The following RBM15B variants were observed in gnomAD, a reference collection of about 807,000 sequenced individuals.
The protein encoded by RBM15B is RNA binding motif protein 15B.
Under a neutral mutation model 53.3 loss-of-function variants are expected in RBM15B, and 11 were observed. The ratio of observed to expected loss-of-function variants is 0.21; its 90% confidence interval spans 0.13 to 0.34. The LOEUF is 0.34. Ranked by LOEUF, RBM15B falls within the 10% of genes least tolerant of loss-of-function variation. The pLI, the probability that RBM15B is intolerant of heterozygous loss-of-function variation, is 1.00. For synonymous variants in RBM15B, 631 were observed against 540.7 expected, an observed-to-expected ratio of 1.17 and a Z score of -2.32; for missense variants, 1,136 against 1,250.3, an observed-to-expected ratio of 0.91 and a Z score of 1.38.
At position 51,396,749 on chromosome 3, in the gene RBM15B, C is replaced by T. The variant is rs1553623095; in HGVS notation, c.*2677C>T. 6.0e-6 allele frequency: 1 copy of T among 167,136 alleles called. No individual in the cohort carries two copies. Among genetic ancestry groups the T allele is most frequent in the African/African-American group, 2.4e-5 (1 of 41,442 alleles). 10.4% of individuals were successfully genotyped at this position (167,136 alleles called of 1,614,324 possible). A position where few individuals can be genotyped will look rare whatever the true frequency, so the allele number is the denominator to read the frequency against. The stretch of plus-strand genomic sequence containing the variant: ...CTGAATTCTGCCTCCCTGTTATAGT[C>T]CCTGTCTCCCCCACAGAGACCTGTG... On this transcript the variant is annotated 3_prime_UTR_variant, in exon 1 of 1. Transcript: ENST00000563281.
At position 51,392,117 on chromosome 3, in the gene RBM15B, C is replaced by T. The variant is rs200104426; in HGVS notation, c.718C>T (p.Pro240Ser). ...SSSSAAASTP[P>S]PGPPAPADPL... ...CAGCAGCGCCGCCGCTTCCACGCCTCCCCCAGGGCCGCCCGCGCCCGCCGA... is the reference window on the plus strand; with the variant it reads ...CAGCAGCGCCGCCGCTTCCACGCCTTCCCCAGGGCCGCCCGCGCCCGCCGA... The change falls in exon 1 of 1, where the codon CCC becomes TCC. Residue 240 changes from proline to serine, a missense_variant. Physicochemically the swap from Pro to Ser is moderately conservative, Grantham distance 74. This residue lies in a region of RBM15B where 204 missense variants were observed against 196.8 expected (regional missense o/e 1.04). Transcript: ENST00000563281. This position sits in a 1 kb window ranked among gnomAD's most constrained non-coding sequence, Gnocchi z 7.5. 9.9e-5 allele frequency: 153 copies of T among 1,539,392 alleles called. No individual in the cohort carries two copies. In the East Asian group the frequency reaches 3.6e-3, roughly 36 times the overall value.
chr3:51,394,917 T>C lies in RBM15B; in HGVS notation c.*845T>C, dbSNP rs2089121845. 1 of 167,252 alleles carries C rather than the reference T, an allele frequency of 6.0e-6. No individual in the cohort carries two copies. Among genetic ancestry groups the C allele is most frequent in the Non-Finnish European group, 1.5e-5 (1 of 68,274 alleles). The allele number at this position is 167,252 out of a possible 1,614,324, so 10.4% of individuals were successfully genotyped here. Reference sequence around the variant, plus strand: ...TTTCTAGCCTCACTCAGCCCAGGGATAGCCAGTGTTGGGAGACAGAGTTGC... The same window carrying C: ...TTTCTAGCCTCACTCAGCCCAGGGACAGCCAGTGTTGGGAGACAGAGTTGC... On this transcript the variant is annotated 3_prime_UTR_variant, in exon 1 of 1. Coordinates refer to ENST00000563281, the MANE Select transcript of RBM15B (RefSeq NM_013286.5).
chr3:51,392,140 C>G lies in RBM15B; in HGVS notation c.741C>G (p.Ala247=). The change falls in exon 1 of 1, where the codon GCC becomes GCG. Residue 247 remains alanine, a synonymous_variant. Transcript: ENST00000563281. This position sits in a 1 kb window ranked among gnomAD's most constrained non-coding sequence, Gnocchi z 7.5. ...CTCCCCCAGGGCCGCCCGCGCCCGC[C>G]GACCCGCTCGGCTACCTCCCGCTAC... ...STPPPGPPAP[A]DPLGYLPLHG... 6.5e-7 allele frequency: 1 copy of G among 1,535,638 alleles called. No individual in the cohort carries two copies. The highest frequency in any genetic ancestry group is 1.2e-5 in the South Asian group (1 of 84,798).
In RBM15B at chr3:51,392,617, C is replaced by G. The variant is rs782766391; in HGVS notation, c.1218C>G (p.Pro406=). 3.3e-5 allele frequency: 54 copies of G among 1,613,968 alleles called. No homozygotes were observed. Among genetic ancestry groups the G allele is most frequent in the Non-Finnish European group, 4.4e-5 (52 of 1,180,040 alleles). ...AMSGRVIGRN[P]IKIGYGKANP... ...CGGGCCGAGTGATTGGTCGCAACCC[C>G]ATTAAGATAGGCTATGGCAAGGCCA... Residue 406 remains proline, a synonymous_variant, in exon 1 of 1, where the codon CCC becomes CCG. Transcript: ENST00000563281. This position sits in a 1 kb window ranked among gnomAD's most constrained non-coding sequence, Gnocchi z 7.5.
rs782121245 is a variant in RBM15B at position 51,392,221 on chromosome 3, G to A, written c.822G>A (p.Leu274=). Residue 274 remains leucine, a synonymous_variant, in exon 1 of 1, where the codon CTG becomes CTA. Coordinates refer to ENST00000563281, the MANE Select transcript of RBM15B (RefSeq NM_013286.5). The surrounding 1 kb of genome is among the most constrained non-coding windows in gnomAD (Gnocchi z 7.5). The part of the protein sequence containing the change: ...RSLSPVAAPP[L]REPRARHAAA... ...TGTCCCCCGTCGCTGCCCCGCCCCT[G>A]CGGGAGCCCCGTGCCCGTCACGCCG... The A allele has an allele frequency of 6.4e-7, 1 of 1,557,858 alleles. No homozygotes were observed. Among genetic ancestry groups the A allele is most frequent in the Non-Finnish European group, 8.6e-7 (1 of 1,156,360 alleles).
chr3:51,392,126 C>CCGCCCG lies in RBM15B; in HGVS notation c.735_740dup (p.Pro246_Ala247dup). On this transcript the variant is annotated inframe_insertion, in exon 1 of 1. Transcript: ENST00000563281. This position sits in a 1 kb window ranked among gnomAD's most constrained non-coding sequence, Gnocchi z 7.5. Reference sequence around the variant, plus strand: ...CGCCGCTTCCACGCCTCCCCCAGGGCCGCCCGCGCCCGCCGACCCGCTCGG... The same window carrying CCGCCCG: ...CGCCGCTTCCACGCCTCCCCCAGGGCCGCCCGCGCCCGCGCCCGCCGACCCGCTCGG... 2 of 1,535,884 alleles carry CCGCCCG rather than the reference C, an allele frequency of 1.3e-6. No homozygotes were observed. Among genetic ancestry groups the CCGCCCG allele is most frequent in the African/African-American group, 1.4e-5 (1 of 72,628 alleles).
At position 51,391,520 on chromosome 3, in the gene RBM15B, G is replaced by T. The variant is rs1400063419; in HGVS notation, c.121G>T (p.Ala41Ser). 108 of 1,195,222 alleles carry T rather than the reference G, an allele frequency of 9.0e-5. No homozygotes were observed. The highest frequency in any genetic ancestry group is 1.1e-4 in the Non-Finnish European group (108 of 964,092). The allele number at this position is 1,195,222 out of a possible 1,614,324, so 74.0% of individuals were successfully genotyped here. Reference protein sequence around the residue: ...EAGGRRAAHKASGGAKHPVPA... With the variant: ...EAGGRRAAHKSSGGAKHPVPA... Reference sequence around the variant, plus strand: ...GGGCGGGCGGCGGGCGGCGCACAAGGCCTCTGGCGGCGCCAAGCACCCGGT... The same window carrying T: ...GGGCGGGCGGCGGGCGGCGCACAAGTCCTCTGGCGGCGCCAAGCACCCGGT... Residue 41 changes from alanine to serine, a missense_variant, in exon 1 of 1, where the codon GCC becomes TCC. Transcript: ENST00000563281. The surrounding 1 kb of genome is among the most constrained non-coding windows in gnomAD (Gnocchi z 4.5).
In RBM15B at chr3:51,393,470, A is replaced by G. The variant is rs373030090; in HGVS notation, c.2071A>G (p.Thr691Ala). The G allele has an allele frequency of 2.5e-6, 4 of 1,613,820 alleles. No homozygotes were observed. Among genetic ancestry groups the G allele is most frequent in the African/African-American group, 2.7e-5 (2 of 74,918 alleles). The change falls in exon 1 of 1, where the codon ACA becomes GCA. Residue 691 changes from threonine to alanine, a missense_variant. Around this residue, in one of 7 missense-constraint regions of RBM15B, gnomAD observed 578 missense variants for 581.6 expected, o/e 0.99. Transcript: ENST00000563281. This position sits in a 1 kb window ranked among gnomAD's most constrained non-coding sequence, Gnocchi z 5.6. ...AGACAGCGAGCGCAATCACCGGACC[A>G]CAGAGGCCGAGCCCAAGCCTCTGGA... ...ARDSERNHRT[T>A]EAEPKPLEEP...
chr3:51,397,519 C>A lies in RBM15B; in HGVS notation c.*3447C>A, dbSNP rs1422219797. ...CCATCCTCCAAAACTTCCCAGAATACCTCCCTTTCCAGTTCTACCAAATCT... is the reference window on the plus strand; with the variant it reads ...CCATCCTCCAAAACTTCCCAGAATAACTCCCTTTCCAGTTCTACCAAATCT... On this transcript the variant is annotated 3_prime_UTR_variant, in exon 1 of 1. Coordinates refer to ENST00000563281, the MANE Select transcript of RBM15B (RefSeq NM_013286.5). 6.0e-6 allele frequency: 1 copy of A among 167,146 alleles called. No individual in the cohort carries two copies. Among genetic ancestry groups the A allele is most frequent in the Non-Finnish European group, 1.5e-5 (1 of 68,150 alleles). The allele number at this position is 167,146 out of a possible 1,614,324, so 10.4% of individuals were successfully genotyped here.
chr3:51,395,476 GA>G lies in RBM15B; in HGVS notation c.*1408del. On this transcript the variant is annotated 3_prime_UTR_variant, in exon 1 of 1. Coordinates refer to ENST00000563281, the MANE Select transcript of RBM15B (RefSeq NM_013286.5). ...ACTGCGGACAGTGTGGGCCAGGGAG[GA>G]AAACCAGAGCACACAGTTTTGTCAC... The G allele has an allele frequency of 4.0e-6, 1 of 247,648 alleles. No homozygotes were observed. The highest frequency in any genetic ancestry group is 2.2e-5 in the African/African-American group (1 of 44,728). 15.3% of individuals were successfully genotyped at this position (247,648 alleles called of 1,614,324 possible).
Position 51,392,245 on chromosome 3 carries a change from C to G in RBM15B, c.846C>G (p.Ala282=). The G allele has an allele frequency of 1.3e-6, 2 of 1,584,480 alleles. No individual in the cohort carries two copies. The change falls in exon 1 of 1, where the codon GCC becomes GCG. Residue 282 remains alanine (A), a synonymous_variant. Transcript: ENST00000563281. This position sits in a 1 kb window ranked among gnomAD's most constrained non-coding sequence, Gnocchi z 7.5. ...PPLREPRARH[A]AAAFALDAAA... ...TGCGGGAGCCCCGTGCCCGTCACGC[C>G]GCCGCAGCCTTCGCCCTGGATGCCG...
Position 51,393,085 on chromosome 3 carries a change from C to T in RBM15B, c.1686C>T (p.Ser562=). ...SPSKSSDRRN[S]LEGYSRSVRS... is the part of the protein sequence containing the mutation. The stretch of plus-strand genomic sequence containing the variant: ...GTAAAAGCTCTGACCGCCGAAACAG[C>T]CTTGAGGGCTACAGTCGCTCAGTGC... Residue 562 remains serine (S), a synonymous_variant, in exon 1 of 1, where the codon AGC becomes AGT. Transcript: ENST00000563281. The surrounding 1 kb of genome is among the most constrained non-coding windows in gnomAD (Gnocchi z 5.6). 6.2e-7 allele frequency: 1 copy of T among 1,613,928 alleles called. No individual in the cohort carries two copies. Among genetic ancestry groups the T allele is most frequent in the Non-Finnish European group, 8.5e-7 (1 of 1,179,986 alleles).
Position 51,392,204 on chromosome 3 carries a change from G to T in RBM15B, c.805G>T (p.Val269Phe), listed in dbSNP as rs1488839932. ...GTACAAGCAGCGCTCGCTGTCCCCCGTCGCTGCCCCGCCCCTGCGGGAGCC... is the reference window on the plus strand; with the variant it reads ...GTACAAGCAGCGCTCGCTGTCCCCCTTCGCTGCCCCGCCCCTGCGGGAGCC... ...YQYKQRSLSP[V>F]AAPPLREPRA... The change falls in exon 1 of 1, where the codon GTC becomes TTC. Residue 269 changes from valine (V) to phenylalanine (F), a missense_variant. Transcript: ENST00000563281. The surrounding 1 kb of genome is among the most constrained non-coding windows in gnomAD (Gnocchi z 7.5). 8 of 1,545,644 alleles carry T rather than the reference G, an allele frequency of 5.2e-6. No individual in the cohort carries two copies. The highest frequency in any genetic ancestry group is 7.0e-6 in the Non-Finnish European group (8 of 1,150,256).
In RBM15B at chr3:51,392,735, A is replaced by G. The variant is rs782291478; in HGVS notation, c.1336A>G (p.Thr446Ala). 1 of 1,614,156 alleles carries G rather than the reference A, an allele frequency of 6.2e-7. No individual in the cohort carries two copies. The highest frequency in any genetic ancestry group is 2.2e-5 in the East Asian group (1 of 44,878). Reference protein sequence around the residue: ...REFDRFGSIRTIDHVKGDSFA... With the variant: ...REFDRFGSIRAIDHVKGDSFA... Reference sequence around the variant, plus strand: ...GTTTGACCGCTTTGGGAGCATTCGGACCATTGATCACGTCAAAGGAGATAG... The same window carrying G: ...GTTTGACCGCTTTGGGAGCATTCGGGCCATTGATCACGTCAAAGGAGATAG... The change falls in exon 1 of 1, where the codon ACC (threonine) becomes GCC (alanine). Residue 446 changes from threonine (T) to alanine (A), a missense_variant. By Grantham distance (58) the Thr-to-Ala change is moderately conservative. Coordinates refer to ENST00000563281, the MANE Select transcript of RBM15B (RefSeq NM_013286.5). This position sits in a 1 kb window ranked among gnomAD's most constrained non-coding sequence, Gnocchi z 7.5.
In RBM15B at chr3:51,391,745, C is replaced by T. The variant is rs1176113524; in HGVS notation, c.346C>T (p.Pro116Ser). The change falls in exon 1 of 1, where the codon CCG becomes TCG. Residue 116 changes from proline to serine, a missense_variant. Pro to Ser is a moderately conservative substitution (Grantham distance 74). Around this residue, in one of 7 missense-constraint regions of RBM15B, gnomAD observed 257 missense variants for 261.1 expected, o/e 0.98. Transcript: ENST00000563281. This position sits in a 1 kb window ranked among gnomAD's most constrained non-coding sequence, Gnocchi z 4.5. Reference sequence around the variant, plus strand: ...CATGTCGCCCCGCGCGTCTCCTCTGCCGCCGCCTCCGCCACCGCCTGGGGC... The same window carrying T: ...CATGTCGCCCCGCGCGTCTCCTCTGTCGCCGCCTCCGCCACCGCCTGGGGC... ...SGMSPRASPL[P>S]PPPPPPGAEP... 31 of 1,542,480 alleles carry T rather than the reference C, an allele frequency of 2.0e-5. No individual in the cohort carries two copies. The highest frequency in any genetic ancestry group is 3.8e-4 in the Middle Eastern group (2 of 5,276).
chr3:51,392,977 C>G lies in RBM15B; in HGVS notation c.1578C>G (p.Asp526Glu), dbSNP rs2089063965. ...GYTRHRNLDA[D>E]LVRDRTPPHL... ...CCCGGCACCGCAACCTGGACGCCGA[C>G]CTGGTGCGGGACAGGACGCCCCCAC... The change falls in exon 1 of 1, where the codon GAC becomes GAG. Residue 526 changes from aspartate to glutamate, a missense_variant. By Grantham distance (45) the Asp-to-Glu change is conservative. Coordinates refer to ENST00000563281, the MANE Select transcript of RBM15B (RefSeq NM_013286.5). This position sits in a 1 kb window ranked among gnomAD's most constrained non-coding sequence, Gnocchi z 7.5. 2 of 1,613,822 alleles carry G rather than the reference C, an allele frequency of 1.2e-6. No homozygotes were observed. The highest frequency in any genetic ancestry group is 1.7e-6 in the Non-Finnish European group (2 of 1,179,994).
At position 51,391,871 on chromosome 3, in the gene RBM15B, C is replaced by T; in HGVS notation, c.472C>T (p.Arg158Trp). 6.2e-7 allele frequency: 1 copy of T among 1,603,928 alleles called. No homozygotes were observed. The highest frequency in any genetic ancestry group is 8.5e-7 in the Non-Finnish European group (1 of 1,179,430). ...GCTGCCCGCCGAGCACCTCGAGGAC[C>T]GGCTCTTCCACCAGTTCAAGCGCTT... ...PALPAEHLEDRLFHQFKRFGE... is the reference protein window; with the variant it reads ...PALPAEHLEDWLFHQFKRFGE... Residue 158 changes from arginine to tryptophan, a missense_variant, in exon 1 of 1, where the codon CGG becomes TGG. Around this residue, in one of 7 missense-constraint regions of RBM15B, gnomAD observed 257 missense variants for 261.1 expected, o/e 0.98. Coordinates refer to ENST00000563281, the MANE Select transcript of RBM15B (RefSeq NM_013286.5). This position sits in a 1 kb window ranked among gnomAD's most constrained non-coding sequence, Gnocchi z 4.5.
chr3:51,392,586 C>G lies in RBM15B; in HGVS notation c.1187C>G (p.Ala396Gly). 6 of 1,613,976 alleles carry G rather than the reference C, an allele frequency of 3.7e-6. No individual in the cohort carries two copies. The highest frequency in any genetic ancestry group is 5.1e-6 in the Non-Finnish European group (6 of 1,180,034). The change falls in exon 1 of 1, where the codon GCC becomes GGC. Residue 396 changes from alanine to glycine, a missense_variant. Ala to Gly is a moderately conservative substitution (Grantham distance 60). Transcript: ENST00000563281. The surrounding 1 kb of genome is among the most constrained non-coding windows in gnomAD (Gnocchi z 7.5). ...NLDMAHRAKV[A>G]MSGRVIGRNP... is the part of the protein sequence containing the mutation. The stretch of plus-strand genomic sequence containing the variant: ...GACATGGCCCATAGGGCTAAGGTGG[C>G]CATGTCGGGCCGAGTGATTGGTCGC...
Position 51,393,240 on chromosome 3 carries a change from G to A in RBM15B, c.1841G>A (p.Arg614Gln). The A allele has an allele frequency of 1.2e-6, 2 of 1,613,720 alleles. No individual in the cohort carries two copies. Among genetic ancestry groups the A allele is most frequent in the Non-Finnish European group, 8.5e-7 (1 of 1,179,808 alleles). ...GRTTHSPYEE[R>Q]SRTKGSGQQS... ...ACAACCCATTCACCATATGAGGAAC[G>A]GAGTAGGACCAAGGGCAGTGGGCAG... is the stretch of plus-strand genomic sequence containing the variant. The change falls in exon 1 of 1, where the codon CGG becomes CAG. Residue 614 changes from arginine (R) to glutamine (Q), a missense_variant. By Grantham distance (43) the Arg-to-Gln change is conservative. Coordinates refer to ENST00000563281, the MANE Select transcript of RBM15B (RefSeq NM_013286.5). The surrounding 1 kb of genome is among the most constrained non-coding windows in gnomAD (Gnocchi z 5.6).
Sources: gnomAD v4.1 joint callset for allele counts on GRCh38, gnomAD v4.1.1 for gene constraint, gnomAD v4.1.1 regional missense constraint, Gnocchi (gnomAD v3.1) non-coding constraint, MANE v1.5 for transcripts, NCBI Gene and HGNC (gene_info 2026-07-23, HGNC 2026-07-21) for gene names.